The following TMEM132D variants were observed in gnomAD, a reference collection of about 807,000 sequenced individuals.
The protein encoded by TMEM132D is transmembrane protein 132D, also known as mature OL transmembrane protein.
Under a neutral mutation model 62.3 loss-of-function variants are expected in TMEM132D, and 21 were observed. That is an observed-to-expected ratio of 0.34 (90% confidence interval 0.24 to 0.49). TMEM132D has a LOEUF of 0.49. Ranked by LOEUF, TMEM132D falls within the 20% of genes least tolerant of loss-of-function variation. The pLI is 0.99. For synonymous variants in TMEM132D, 621 were observed against 575.6 expected (o/e 1.08, Z -1.13); for missense variants, 1,346 against 1,402.8 (o/e 0.96, Z 0.65).
At chr12:129,728,852 T>G (rs1253427695) in intron 1 of TMEM132D, among the ~76,000 whole-genome samples, 1 of 152,166 alleles carries the variant, frequency 6.6e-6, no homozygotes, top group Non-Finnish European at 1.5e-5. Flanking sequence ...CAGCCCCTCA[T>G]GTCTTCATGT....
chr12:129,538,857 T>C lies in TMEM132D; in HGVS notation c.969-7652A>G, dbSNP rs547329917. Among the ~76,000 whole-genome samples the C allele has an allele frequency of 4.9e-3, 741 of 151,240 alleles. 15 individuals are homozygous for C. The highest frequency in any genetic ancestry group is 0.017 in the African/African-American group (711 of 40,670). The stretch of plus-strand genomic sequence containing the variant: ...ATAGGTCAGAAGGAGCGTTGGCTAC[T>C]AGTGACCCCTGGCGATAGGTCAGAA... On this transcript the variant is annotated intron_variant, in intron 2 of 8. Coordinates refer to ENST00000422113, the MANE Select transcript of TMEM132D (RefSeq NM_133448.3).
At chr12:129,472,362 C>T (rs1179881603) in intron 3 of TMEM132D, among the ~76,000 whole-genome samples, 1 of 152,126 alleles carries the variant, frequency 6.6e-6, no homozygotes, top group African/African-American at 2.4e-5. Flanking sequence ...CATGTTCTCA[C>T]TCATAAGTGG....
chr12:129,186,121 G>A (rs376403820), intron 5 of TMEM132D, among the ~76,000 whole-genome samples: 8 of 152,192 alleles, frequency 5.3e-5, no homozygotes, highest in African/African-American at 9.6e-5. Context: ...TGACTGTTCC[G>A]CTGCGGGGAG....
chr12:129,083,123 A>G (rs970480070), intron 6 of TMEM132D, among the ~76,000 whole-genome samples: 1 of 152,244 alleles, frequency 6.6e-6, no homozygotes, highest in Non-Finnish European at 1.5e-5. Context: ...GATAGCTAAC[A>G]TGACAAGGCT....
At position 129,073,967 on chromosome 12, in the gene TMEM132D, C is replaced by G. The variant is rs749663236; in HGVS notation, c.3208G>C (p.Glu1070Gln). ...TGGCAGACCCACTTAATGTCATCCT[C>G]GCTACTCATCACGATGGAGTTCCTG... ...PTRNSIVMSS[E>Q]DDIKWVCQDL... Residue 1070 changes from glutamate to glutamine, a missense_variant, in exon 9 of 9, where the codon GAG becomes CAG. By Grantham distance (29) the Glu-to-Gln change is conservative. Coordinates refer to ENST00000422113, the MANE Select transcript of TMEM132D (RefSeq NM_133448.3). The G allele has an allele frequency of 4.3e-6, 7 of 1,613,220 alleles. No homozygotes were observed. In the Admixed American group the frequency reaches 1.2e-4, roughly 27 times the overall value.
chr12:129,411,203 C>A (rs1489506679), intron 3 of TMEM132D, among the ~76,000 whole-genome samples: 6 of 152,154 alleles, frequency 3.9e-5, no homozygotes, highest in African/African-American at 1.4e-4. Flanking sequence ...ATTTCCCTTA[C>A]CCATTCTTAT....
At chr12:129,628,799 G>A (rs1468532583) in intron 2 of TMEM132D, among the ~76,000 whole-genome samples, 1 of 151,956 alleles carries the variant, frequency 6.6e-6, no homozygotes, top group Non-Finnish European at 1.5e-5. Context: ...GCTGCTTTTA[G>A]AATAAAGCCA....
intron 1 of TMEM132D, among the ~76,000 whole-genome samples, chr12:129,887,918 G>A (rs774779422): frequency 1.3e-5 from 2 of 152,038 alleles, no homozygotes; most frequent in Admixed American, 6.6e-5. Flanking sequence ...AGAACTTAAC[G>A]AGATAAGGCA....
intron 2 of TMEM132D, among the ~76,000 whole-genome samples, chr12:129,606,473 G>C (rs1878627848): frequency 6.6e-6 from 1 of 152,132 alleles, no homozygotes; most frequent in Non-Finnish European, 1.5e-5. Context: ...TGGTGTGGGC[G>C]AGCTCAGTGA....
chr12:129,207,338 A>G (rs1232492904), intron 5 of TMEM132D, among the ~76,000 whole-genome samples: 1 of 152,050 alleles, frequency 6.6e-6, no homozygotes, highest in Non-Finnish European at 1.5e-5. Flanking sequence ...TTAGGTTCCA[A>G]CGAGGACAGT....
intron 2 of TMEM132D, among the ~76,000 whole-genome samples, chr12:129,695,141 T>G (rs541037972): frequency 6.6e-6 from 1 of 152,390 alleles, no homozygotes; most frequent in African/African-American, 2.4e-5. Flanking sequence ...CCATTGAATT[T>G]AATTCAGCTG....
Position 129,224,333 on chromosome 12 carries a change from T to C in TMEM132D, c.1300-14670A>G, listed in dbSNP as rs185694063. 2.0e-5 allele frequency among the ~76,000 whole-genome samples: 3 copies of C among 152,352 alleles called. No homozygotes were observed. The East Asian group carries it at 5.8e-4, about 29-fold the overall frequency. On this transcript the variant is annotated intron_variant, in intron 4 of 8. Coordinates refer to ENST00000422113, the MANE Select transcript of TMEM132D (RefSeq NM_133448.3). ...CTTCTGTTCCGATGAATATGTTCTC[T>C]AGACCTGCTGCATAGATCAGGACTT...
At position 129,700,622 on chromosome 12, in the gene TMEM132D, G is replaced by A. The variant is rs2137227853; in HGVS notation, c.156C>T (p.His52=). The change falls in exon 2 of 9, where the codon CAC becomes CAT. Residue 52 remains histidine (H), a synonymous_variant. Coordinates refer to ENST00000422113, the MANE Select transcript of TMEM132D (RefSeq NM_133448.3). ...LLPTYLPVTY[H]INNADVSFFL... ...AGAAGGAGACGTCCGCGTTGTTGAT[G>A]TGGTAGGTCACGGGGAGGTAGGTGG... 3 of 1,614,094 alleles carry A rather than the reference G, an allele frequency of 1.9e-6. No individual in the cohort carries two copies. Among genetic ancestry groups the A allele is most frequent in the East Asian group, 4.5e-5 (2 of 44,860 alleles).
chr12:129,306,380 T>A (rs1006451998), intron 4 of TMEM132D, among the ~76,000 whole-genome samples: 1 of 152,224 alleles, frequency 6.6e-6, no homozygotes, highest in Admixed American at 6.5e-5. Context: ...AGCTTCAGCA[T>A]AACATGCCTT....
chr12:129,340,901 GTA>G (rs1566038629), intron 3 of TMEM132D, among the ~76,000 whole-genome samples: 1 of 152,174 alleles, frequency 6.6e-6, no homozygotes, highest in African/African-American at 2.4e-5. Flanking sequence ...GGAAAACGTT[GTA>G]TGCGCGTGAT....
At chr12:129,806,541 T>G (rs1269668819) in intron 1 of TMEM132D, among the ~76,000 whole-genome samples, 5 of 100,016 alleles carry the variant, frequency 5.0e-5, no homozygotes, top group South Asian at 4.1e-4. Flanking sequence ...TGGGGACTGT[T>G]GTGGGGTGGG....
intron 2 of TMEM132D, among the ~76,000 whole-genome samples, chr12:129,547,180 C>T (rs1295550336): frequency 6.6e-6 from 1 of 152,180 alleles, no homozygotes. Flanking sequence ...TCACCCCCGT[C>T]TCTGCCTCCA....
At chr12:129,822,756 T>G (rs941424429) in intron 1 of TMEM132D, among the ~76,000 whole-genome samples, 1 of 152,134 alleles carries the variant, frequency 6.6e-6, no homozygotes, top group African/African-American at 2.4e-5. Context: ...TATAAAACCA[T>G]CAGATCTTGT....
chr12:129,555,610 T>C (rs1593064508), intron 2 of TMEM132D, among the ~76,000 whole-genome samples: 1 of 152,238 alleles, frequency 6.6e-6, no homozygotes, highest in Admixed American at 6.5e-5. Flanking sequence ...GTTGTTGGTA[T>C]TTCAAACTAA....
Sources: allele counts gnomAD v4.1 joint callset (sites outside exome capture counted in the v4.1 genomes callset), GRCh38; gene constraint gnomAD v4.1.1; transcripts MANE v1.5; gene names NCBI Gene and HGNC (gene_info 2026-07-23, HGNC 2026-07-21).